The following HTR6 variants were observed in gnomAD, a reference collection of about 807,000 sequenced individuals.
HTR6 encodes 5-hydroxytryptamine (serotonin) receptor 6, G protein-coupled.
Under a neutral mutation model 17.4 loss-of-function variants are expected in HTR6, and 15 were observed. The ratio of observed to expected loss-of-function variants is 0.86; its 90% confidence interval spans 0.58 to 1.33. The LOEUF (loss-of-function observed/expected upper bound fraction) is 1.33. HTR6 is among the 40% of genes most tolerant of loss of function. The pLI is 0.00. For missense variants in HTR6, 578 were observed against 616.0 expected (o/e 0.94, Z 0.65); for synonymous variants, 326 against 295.5 (o/e 1.10, Z -1.06).
In HTR6 at chr1:19,666,516, A is replaced by G; in HGVS notation, c.714+49A>G. 1 of 1,430,802 alleles carries G rather than the reference A, an allele frequency of 7.0e-7. No homozygotes were observed. The highest frequency in any genetic ancestry group is 9.5e-7 in the Non-Finnish European group (1 of 1,056,870). The allele number at this position is 1,430,802 out of a possible 1,614,324, so 88.6% of individuals were successfully genotyped here. ...CCGGGCTGTGGGATAGAGAGGAATG[A>G]GCAGCCCCTGGGGACCCCCTGGGCA... On this transcript the variant is annotated intron_variant, in intron 1 of 2. Coordinates refer to ENST00000289753, the MANE Select transcript of HTR6 (RefSeq NM_000871.3). This position sits in a 1 kb window ranked among gnomAD's most constrained non-coding sequence, Gnocchi z 4.5.
In HTR6 at chr1:19,680,083, A is replaced by G. The variant is rs998877358; in HGVS notation, c.*715A>G. Among the ~76,000 whole-genome samples, 1 of 152,212 alleles carries G rather than the reference A, an allele frequency of 6.6e-6. No homozygotes were observed. Among genetic ancestry groups the G allele is most frequent in the African/African-American group, 2.4e-5 (1 of 41,452 alleles). ...CCACCTATGAGCTCTGGGGCCTGACACGAGTTATTTAACCTCTCCGAGCCT... is the reference window on the plus strand; with the variant it reads ...CCACCTATGAGCTCTGGGGCCTGACGCGAGTTATTTAACCTCTCCGAGCCT... On this transcript the variant is annotated 3_prime_UTR_variant, in exon 3 of 3. Coordinates refer to ENST00000289753, the MANE Select transcript of HTR6 (RefSeq NM_000871.3).
At chr1:19,672,413 AGAG>A (rs762598881) in intron 1 of HTR6, among the ~76,000 whole-genome samples, 2 of 150,820 alleles carry the variant, frequency 1.3e-5, no homozygotes, top group Non-Finnish European at 3.0e-5. Context: ...CCTCCTCCTC[AGAG>A]GAGGAGGCTG....
At chr1:19,676,526 C>A (rs1469704394) in intron 1 of HTR6, among the ~76,000 whole-genome samples, 1 of 152,180 alleles carries the variant, frequency 6.6e-6, no homozygotes, top group Non-Finnish European at 1.5e-5. Context: ...CCAGCAACCT[C>A]CTTGCCATTT....
At position 19,666,295 on chromosome 1, in the gene HTR6, G is replaced by T; in HGVS notation, c.542G>T (p.Arg181Leu). The stretch of plus-strand genomic sequence containing the variant: ...CGGCCACCCGTCCCTGGCCAGTGCC[G>T]CCTGCTGGCCAGCCTGCCTTTTGTC... Reference protein sequence around the residue: ...HARPPVPGQCRLLASLPFVLV... With the variant: ...HARPPVPGQCLLLASLPFVLV... Residue 181 changes from arginine (R) to leucine (L), a missense_variant, in exon 1 of 3, where the codon CGC becomes CTC. Transcript: ENST00000289753. The surrounding 1 kb of genome is among the most constrained non-coding windows in gnomAD (Gnocchi z 4.5). 6.2e-7 allele frequency: 1 copy of T among 1,612,570 alleles called. No individual in the cohort carries two copies.
At chr1:19,676,095 C>T (rs148113583) in intron 1 of HTR6, among the ~76,000 whole-genome samples, 178 of 152,258 alleles carry the variant, frequency 1.2e-3, no homozygotes, top group African/African-American at 4.0e-3. Context: ...GGCAGAAGGA[C>T]AGGCTCCCCA....
Position 19,666,492 on chromosome 1 carries a change from C to A in HTR6, c.714+25C>A. The A allele has an allele frequency of 1.9e-6, 3 of 1,547,660 alleles. No homozygotes were observed. Among genetic ancestry groups the A allele is most frequent in the South Asian group, 2.3e-5 (2 of 85,708 alleles). On this transcript the variant is annotated intron_variant, in intron 1 of 2. Transcript: ENST00000289753. The surrounding 1 kb of genome is among the most constrained non-coding windows in gnomAD (Gnocchi z 4.5). ...GGTACCTGGGGTGCGCAGGGAGACC[C>A]GGGCTGTGGGATAGAGAGGAATGAG...
Position 19,666,169 on chromosome 1 carries a change from C to T in HTR6, c.416C>T (p.Thr139Met), listed in dbSNP as rs1244776239. ...CCGCTGCGCTACAAGCTGCGCATGA[C>T]GCCCCTGCGTGCCCTGGCCCTAGTC... is the stretch of plus-strand genomic sequence containing the variant. ...LSPLRYKLRM[T>M]PLRALALVLG... Residue 139 changes from threonine to methionine, a missense_variant, in exon 1 of 3, where the codon ACG becomes ATG. Transcript: ENST00000289753. This position sits in a 1 kb window ranked among gnomAD's most constrained non-coding sequence, Gnocchi z 4.5. The T allele has an allele frequency of 6.2e-7, 1 of 1,611,124 alleles. No homozygotes were observed.
At chr1:19,676,672 G>T (rs189803135) in intron 1 of HTR6, among the ~76,000 whole-genome samples, 5 of 152,302 alleles carry the variant, frequency 3.3e-5, no homozygotes, top group East Asian at 1.9e-4. Context: ...GTGGGGTGGG[G>T]TGTTGGCTTT....
At chr1:19,674,444 T>A (rs2095091917) in intron 1 of HTR6, among the ~76,000 whole-genome samples, 1 of 150,390 alleles carries the variant, frequency 6.6e-6, no homozygotes, top group Non-Finnish European at 1.5e-5. Flanking sequence ...TCTCACTCTG[T>A]CACCCAGGCT....
intron 1 of HTR6, among the ~76,000 whole-genome samples, chr1:19,678,061 C>T (rs188188416): frequency 6.6e-5 from 10 of 152,246 alleles, no homozygotes; most frequent in Admixed American, 5.9e-4. Flanking sequence ...ATTTCTGTAG[C>T]GCTAAAGGCT....
chr1:19,674,921 A>C (rs1056325605), intron 1 of HTR6, among the ~76,000 whole-genome samples: 6 of 152,344 alleles, frequency 3.9e-5, no homozygotes, highest in African/African-American at 1.4e-4. Flanking sequence ...TGCAAACGAC[A>C]GGACATGGCC....
Position 19,665,829 on chromosome 1 carries a change from A to G in HTR6, c.76A>G (p.Ser26Gly). The G allele has an allele frequency of 6.4e-7, 1 of 1,566,440 alleles. No individual in the cohort carries two copies. Reference protein sequence around the residue: ...GAGPPSAPGGSGWVAAALCVV... With the variant: ...GAGPPSAPGGGGWVAAALCVV... Reference sequence around the variant, plus strand: ...AGGGCCGCCGTCGGCCCCGGGGGGCAGCGGCTGGGTGGCGGCCGCGCTGTG... The same window carrying G: ...AGGGCCGCCGTCGGCCCCGGGGGGCGGCGGCTGGGTGGCGGCCGCGCTGTG... Residue 26 changes from serine to glycine, a missense_variant, in exon 1 of 3, where the codon AGC becomes GGC. Ser to Gly is a moderately conservative substitution (Grantham distance 56). Coordinates refer to ENST00000289753, the MANE Select transcript of HTR6 (RefSeq NM_000871.3). This position sits in a 1 kb window ranked among gnomAD's most constrained non-coding sequence, Gnocchi z 4.2.
rs577771322 is a variant in HTR6, at chr1:19,680,227, A to G, written c.*859A>G. 2.0e-5 allele frequency among the ~76,000 whole-genome samples: 3 copies of G among 152,300 alleles called. No homozygotes were observed. Among genetic ancestry groups the G allele is most frequent in the Non-Finnish European group, 4.4e-5 (3 of 68,020 alleles). On this transcript the variant is annotated 3_prime_UTR_variant, in exon 3 of 3. Transcript: ENST00000289753. Reference sequence around the variant, plus strand: ...CAGTTAATTGGTACGTTCTGTTGTTACGACCCCCGGCTATCCAGCCCCCTG... The same window carrying G: ...CAGTTAATTGGTACGTTCTGTTGTTGCGACCCCCGGCTATCCAGCCCCCTG...
chr1:19,678,541 G>A (rs201216539), intron 1 of HTR6, 26 bp from the exon 2 acceptor site: 2 of 1,612,018 alleles, frequency 1.2e-6, no homozygotes, highest in Non-Finnish European at 1.7e-6. Flanking sequence ...TTTCTCAACG[G>A]ACTCATGTGG....
chr1:19,665,786 C>T lies in HTR6; in HGVS notation c.33C>T (p.Ser11=). 4 of 1,504,534 alleles carry T rather than the reference C, an allele frequency of 2.7e-6. No individual in the cohort carries two copies. Among genetic ancestry groups the T allele is most frequent in the Non-Finnish European group, 3.5e-6 (4 of 1,135,766 alleles). 93.2% of individuals were successfully genotyped at this position (1,504,534 alleles called of 1,614,324 possible). Residue 11 remains serine (S), a synonymous_variant, in exon 1 of 3, where the codon AGC becomes AGT. Transcript: ENST00000289753. This position sits in a 1 kb window ranked among gnomAD's most constrained non-coding sequence, Gnocchi z 4.2. MVPEPGPTAN[S]TPAWGAGPPS... Reference sequence around the variant, plus strand: ...CAGAGCCGGGCCCAACCGCCAATAGCACCCCGGCCTGGGGGGCAGGGCCGC... The same window carrying T: ...CAGAGCCGGGCCCAACCGCCAATAGTACCCCGGCCTGGGGGGCAGGGCCGC...
At chr1:19,672,466 G>C (rs1370828025) in intron 1 of HTR6, among the ~76,000 whole-genome samples, 2 of 152,128 alleles carry the variant, frequency 1.3e-5, no homozygotes, top group Non-Finnish European at 2.9e-5. Flanking sequence ...AGGGGGCCGA[G>C]CCAGGGAGAG....
In HTR6 at chr1:19,679,605, G is replaced by A; in HGVS notation, c.*237G>A. 1 of 553,166 alleles carries A rather than the reference G, an allele frequency of 1.8e-6. No homozygotes were observed. The highest frequency in any genetic ancestry group is 3.4e-5 in the Admixed American group (1 of 29,294). The allele number at this position is 553,166 out of a possible 1,614,324, so 34.3% of individuals were successfully genotyped here. A position where few individuals can be genotyped will look rare whatever the true frequency, so the allele number is the denominator to read the frequency against. ...TGCTCCACTGTTGAGTGTAACTTGT[G>A]TGTGCAGAGGATGGGCTGGAGGACT... On this transcript the variant is annotated 3_prime_UTR_variant, in exon 3 of 3. Transcript: ENST00000289753. The surrounding 1 kb of genome is among the most constrained non-coding windows in gnomAD (Gnocchi z 4.9).
intron 1 of HTR6, among the ~76,000 whole-genome samples, chr1:19,668,230 G>A (rs895139629): frequency 3.9e-5 from 6 of 152,120 alleles, no homozygotes; most frequent in Middle Eastern, 3.2e-3. Context: ...CATATACCCT[G>A]GGTTCTTGCT....
chr1:19,669,979 G>C (rs1221870105), intron 1 of HTR6, among the ~76,000 whole-genome samples: 3 of 152,066 alleles, frequency 2.0e-5, no homozygotes, highest in African/African-American at 7.2e-5. Flanking sequence ...ACCTTCCGCA[G>C]TGGCCCCAAT....
Sources: gnomAD v4.1 joint callset for allele counts (sites outside exome capture counted in the v4.1 genomes callset) on GRCh38, gnomAD v4.1.1 for gene constraint, Gnocchi (gnomAD v3.1) non-coding constraint, MANE v1.5 for transcripts, NCBI Gene and HGNC (gene_info 2026-07-23, HGNC 2026-07-21) for gene names.